Variants in CLK1 observed in about 807,000 individuals in gnomAD.
The protein encoded by CLK1 is dual specificity protein kinase CLK1.
CLK1 carries 40 observed loss-of-function variants against 60.9 expected under a neutral mutation model. The observed-to-expected ratio is 0.66, with a 90% CI of 0.51 to 0.86. The LOEUF (loss-of-function observed/expected upper bound fraction) is 0.86, where lower values mean the gene tolerates loss of function less well. Among genes scored for constraint, CLK1 ranks in the 40% least tolerant of loss-of-function variants. CLK1 has a pLI of 0.00. For missense variants in CLK1, 563 were observed against 606.1 expected (o/e 0.93, Z 0.75); for synonymous variants, 203 against 184.4 (o/e 1.10, Z -0.82).
intron 9 of CLK1, among the ~76,000 whole-genome samples, chr2:200,855,620 GC>G (rs34317941): frequency 0.46 from 67,958 of 147,576 alleles, 15,693 homozygotes; most frequent in African/African-American, 0.52. Flanking sequence ...GCAAGACTCC[GC>G]CCCCCCCCCA....
chr2:200,855,234 G>C (rs1415390344), intron 9 of CLK1, 148 bp from the exon 10 acceptor site: 7 of 589,848 alleles, frequency 1.2e-5, no homozygotes, highest in Admixed American at 3.4e-5. Flanking sequence ...CCAGCACTTT[G>C]GGAGGCCAAG....
chr2:200,853,628 G>A (rs1467172489), intron 12 of CLK1, among the ~76,000 whole-genome samples, 179 bp from the exon 13 acceptor site: 3 of 144,244 alleles, frequency 2.1e-5, no homozygotes, highest in African/African-American at 7.7e-5. Context: ...ATCACTTGAG[G>A]CCAGGAGTTC....
In CLK1 at chr2:200,857,814, G is replaced by A; in HGVS notation, c.736C>T (p.Leu246Phe). ...TCTTTAATGAAGTCGTAAGTACTAAGTCCCAATAGTTCAAAAACAATGCAA... is the reference window on the plus strand; with the variant it reads ...TCTTTAATGAAGTCGTAAGTACTAAATCCCAATAGTTCAAAAACAATGCAA... ...HICIVFELLG[L>F]STYDFIKENG... Residue 246 changes from leucine (L) to phenylalanine (F), a missense_variant, in exon 7 of 13, where the codon CTT becomes TTT. Around this residue, in one of 3 missense-constraint regions of CLK1, gnomAD observed 360 missense variants for 407.0 expected, o/e 0.88. Coordinates refer to ENST00000321356, the MANE Select transcript of CLK1 (RefSeq NM_004071.4). 6.2e-7 allele frequency: 1 copy of A among 1,613,822 alleles called. No homozygotes were observed. The highest frequency in any genetic ancestry group is 2.2e-5 in the East Asian group (1 of 44,868).
chr2:200,859,765 T>C lies in CLK1; in HGVS notation c.482-19A>G. 6.2e-7 allele frequency: 1 copy of C among 1,611,672 alleles called. No individual in the cohort carries two copies. Among genetic ancestry groups the C allele is most frequent in the South Asian group, 1.1e-5 (1 of 90,732 alleles). Reference sequence around the variant, plus strand: ...ATTTCATCTAAAAGAGAGAAATAAATCTCAGTCATATCAAGAAGTGGAAAC... The same window carrying C: ...ATTTCATCTAAAAGAGAGAAATAAACCTCAGTCATATCAAGAAGTGGAAAC... On this transcript the variant is annotated intron_variant, in intron 4 of 12. Transcript: ENST00000321356.
chr2:200,855,149 G>T, intron 9 of CLK1, 63 bp from the exon 10 acceptor site: 3 of 1,246,922 alleles, frequency 2.4e-6, no homozygotes, highest in African/African-American at 1.5e-5. Context: ...AAATTAAAAA[G>T]TTAGTTAACA....
At chr2:200,854,853 T>C in intron 10 of CLK1, 151 bp downstream of exon 10, 1 of 780,890 alleles carries the variant, frequency 1.3e-6, no homozygotes. Context: ...AAAGATGTTT[T>C]AAATAAAACA....
chr2:200,854,112 G>A, intron 11 of CLK1, 119 bp from the exon 12 acceptor site: 2 of 616,596 alleles, frequency 3.2e-6, no homozygotes, highest in Non-Finnish European at 5.5e-6. Context: ...TGGCAGCCAT[G>A]GGATAGAAAT....
intron 5 of CLK1, among the ~76,000 whole-genome samples, chr2:200,858,486 C>T (rs1381365674): frequency 6.6e-6 from 1 of 152,118 alleles, no homozygotes; most frequent in African/African-American, 2.4e-5. Context: ...CACTTGAGGT[C>T]AGAAGTTCGA....
Position 200,853,422 on chromosome 2 carries a change from G to A in CLK1, c.1339C>T (p.His447Tyr), listed in dbSNP as rs1803291. Residue 447 changes from histidine (H) to tyrosine (Y), a missense_variant, in exon 13 of 13, where the codon CAT (histidine) becomes TAT (tyrosine). By Grantham distance (83) the His-to-Tyr change is moderately conservative. This residue lies in a region of CLK1 where 360 missense variants were observed against 407.0 expected (regional missense o/e 0.88). Transcript: ENST00000321356. ...KEFMLSQDVEHERLFDLIQKM... is the reference protein window; with the variant it reads ...KEFMLSQDVEYERLFDLIQKM... Reference sequence around the variant, plus strand: ...TGAATGAGGTCAAAGAGACGCTCATGTTCAACATCTTGAGAAAGCATAAAT... The same window carrying A: ...TGAATGAGGTCAAAGAGACGCTCATATTCAACATCTTGAGAAAGCATAAAT... 6.2e-7 allele frequency: 1 copy of A among 1,602,558 alleles called. No individual in the cohort carries two copies.
chr2:200,863,356 C>G (rs962739202), intron 1 of CLK1: 2 of 150,222 alleles, frequency 1.3e-5, no homozygotes, highest in Non-Finnish European at 3.0e-5. Context: ...CCCAGGAATT[C>G]GAGACCAGCC....
chr2:200,861,248 C>T lies in CLK1; in HGVS notation c.380G>A (p.Arg127His). 1 of 1,613,974 alleles carries T rather than the reference C, an allele frequency of 6.2e-7. No homozygotes were observed. The highest frequency in any genetic ancestry group is 8.5e-7 in the Non-Finnish European group (1 of 1,179,916). ...HRIHHSTSHR[R>H]SHGKSHRRKR... ...TAAAAACGTTCATACCCCATGTGAA[C>T]GACGATGTGAAGTACTGTGGTGAAT... Residue 127 changes from arginine to histidine, a missense_variant, in exon 3 of 13, where the codon CGT (arginine) becomes CAT (histidine). Around this residue, in one of 3 missense-constraint regions of CLK1, gnomAD observed 198 missense variants for 179.2 expected, o/e 1.10. Transcript: ENST00000321356.
Position 200,858,116 on chromosome 2 carries a change from A to C in CLK1, c.549-27T>G, listed in dbSNP as rs372245694. ...TGTTAGAAAGATGCATGCAAATTTA[A>C]GAATGACAGACATGATGCTCAATTC... is the stretch of plus-strand genomic sequence containing the variant. On this transcript the variant is annotated intron_variant, in intron 5 of 12. Coordinates refer to ENST00000321356, the MANE Select transcript of CLK1 (RefSeq NM_004071.4). 3.6e-6 allele frequency: 5 copies of C among 1,386,794 alleles called. No homozygotes were observed. The African/African-American group carries it at 7.1e-5, about 20-fold the overall frequency. 85.9% of individuals were successfully genotyped at this position (1,386,794 alleles called of 1,614,324 possible).
chr2:200,857,896 T>G lies in CLK1; in HGVS notation c.666-12A>C, dbSNP rs769571350. 5 of 1,611,910 alleles carry G rather than the reference T, an allele frequency of 3.1e-6. No individual in the cohort carries two copies. Among genetic ancestry groups the G allele is most frequent in the Non-Finnish European group, 4.2e-6 (5 of 1,178,712 alleles). ...TCTGGACACAGCGGCTACAAACACA[T>G]GAAAAATAGCTAAGTATAGTTGCTC... On this transcript the variant is annotated splice_polypyrimidine_tract_variant and intron_variant, in intron 6 of 12. Coordinates refer to ENST00000321356, the MANE Select transcript of CLK1 (RefSeq NM_004071.4).
rs1407492976 is a variant in CLK1 at position 200,853,060 on chromosome 2, A to G, written c.*246T>C. Reference sequence around the variant, plus strand: ...GGAAGAAAAATGGTACTTAGAACAAACTGTTCAGATACATATCAACTTCAT... The same window carrying G: ...GGAAGAAAAATGGTACTTAGAACAAGCTGTTCAGATACATATCAACTTCAT... On this transcript the variant is annotated 3_prime_UTR_variant, in exon 13 of 13. Coordinates refer to ENST00000321356, the MANE Select transcript of CLK1 (RefSeq NM_004071.4). The G allele has an allele frequency of 3.3e-6, 1 of 306,386 alleles. No individual in the cohort carries two copies. Among genetic ancestry groups the G allele is most frequent in the East Asian group, 5.4e-5 (1 of 18,562 alleles). The allele number at this position is 306,386 out of a possible 1,614,324, so 19.0% of individuals were successfully genotyped here. A position where few individuals can be genotyped will look rare whatever the true frequency, so the allele number is the denominator to read the frequency against.
At chr2:200,858,163 T>C in intron 5 of CLK1, 74 bp from the exon 6 acceptor site, 2 of 956,052 alleles carry the variant, frequency 2.1e-6, no homozygotes, top group South Asian at 1.3e-5. Context: ...GTCTTCAAAC[T>C]GTACTACTAC....
At chr2:200,854,822 C>A in intron 10 of CLK1, 127 bp from the exon 11 acceptor site, 1 of 803,084 alleles carries the variant, frequency 1.2e-6, no homozygotes, top group Non-Finnish European at 2.1e-6. Context: ...TACATGGACA[C>A]GGATAATTGC....
chr2:200,854,801 C>T, intron 10 of CLK1, 106 bp from the exon 11 acceptor site: 1 of 871,802 alleles, frequency 1.1e-6, no homozygotes, highest in Non-Finnish European at 1.9e-6. Flanking sequence ...ACAAACTCGC[C>T]AATGATTCCC....
intron 2 of CLK1, 51 bp from the exon 3 acceptor site, chr2:200,861,517 TCACATTCTCTTCAAGAC>T: frequency 3.1e-6 from 5 of 1,596,564 alleles, no homozygotes; most frequent in Non-Finnish European, 4.3e-6. Flanking sequence ...CCAAATATCC[TCACATTCTCTTCAAGAC>T]AGCACCTAGA....
In CLK1 at chr2:200,857,556, T is replaced by C. The variant is rs2039064026; in HGVS notation, c.832+162A>G. 1.1e-5 allele frequency: 6 copies of C among 553,564 alleles called. No homozygotes were observed. In the South Asian group the frequency reaches 1.5e-4, roughly 14 times the overall value. 34.3% of individuals were successfully genotyped at this position (553,564 alleles called of 1,614,324 possible). ...TGGATATCCTACTTGCTGAATGAAA[T>C]GTACACTGCTGGATCAACAGCCTGT... On this transcript the variant is annotated intron_variant, in intron 7 of 12. Transcript: ENST00000321356.
Sources: gnomAD v4.1 joint callset for allele counts (sites outside exome capture counted in the v4.1 genomes callset) on GRCh38, gnomAD v4.1.1 for gene constraint, gnomAD v4.1.1 regional missense constraint, MANE v1.5 for transcripts, NCBI Gene and HGNC (gene_info 2026-07-23, HGNC 2026-07-21) for gene names.